ZNF875: variants seen among roughly 807,000 people sequenced by gnomAD.
ZNF875 encodes zinc finger protein 875, also known as HKR1, GLI-Kruppel zinc finger family member.
ZNF875 carries 14 observed loss-of-function variants against 11.2 expected under a neutral mutation model. The observed-to-expected ratio is 1.26, with a 90% CI of 0.83 to 1.96. ZNF875 has a LOEUF of 1.96. Ranked by LOEUF, ZNF875 falls within the 30% of genes most tolerant of loss-of-function variation. The probability of loss-of-function intolerance (pLI) is 0.00; values close to 1 mark genes in which losing one functional copy is unlikely to be tolerated. For synonymous variants in ZNF875, 301 were observed against 281.1 expected, an observed-to-expected ratio of 1.07 and a Z score of -0.71; for missense variants, 752 against 760.4, an observed-to-expected ratio of 0.99 and a Z score of 0.13.
upstream of ZNF875, among the ~76,000 whole-genome samples, chr19:37,317,477 G>C (rs1354020456): frequency 6.6e-6 from 1 of 152,196 alleles, no homozygotes; most frequent in Non-Finnish European, 1.5e-5. Context: ...CCTGGCACTA[G>C]CCTGTTTTTT....
intron 2 of ZNF875, chr19:37,323,392 G>T (rs904181510): frequency 1.3e-5 from 2 of 152,132 alleles, no homozygotes; most frequent in Non-Finnish European, 2.9e-5. Context: ...CTGACCTCAG[G>T]TGATCCGCCC....
Position 37,336,214 on chromosome 19 carries a change from C to T in ZNF875, c.33+957C>T, listed in dbSNP as rs140596092. Among the ~76,000 whole-genome samples, 339 of 150,804 alleles carry T rather than the reference C, an allele frequency of 2.2e-3. 1 individual carries two copies. Among genetic ancestry groups the T allele is most frequent in the African/African-American group, 8.0e-3 (330 of 41,056 alleles). On this transcript the variant is annotated intron_variant, in intron 2 of 4. Coordinates refer to ENST00000392153, the MANE Select transcript of ZNF875 (RefSeq NM_001353803.2). The stretch of plus-strand genomic sequence containing the variant: ...GGGGGGAAGGCATTCCAGTGGGAGG[C>T]GGCAAGGAAGCATAGATAGTTTCAG...
upstream of ZNF875, chr19:37,314,916 C>G (rs2030120524): frequency 6.6e-6 from 1 of 151,838 alleles, no homozygotes; most frequent in Non-Finnish European, 1.5e-5. Context: ...ATCACAGAAG[C>G]CACCCATTGA....
intron 4 of ZNF875, among the ~76,000 whole-genome samples, chr19:37,354,998 A>T (rs778724586): frequency 5.3e-5 from 8 of 152,206 alleles, no homozygotes; most frequent in Non-Finnish European, 1.2e-4. Flanking sequence ...AGATTAAGAC[A>T]TATGGCATAT....
chr19:37,347,316 G>A lies in ZNF875; in HGVS notation c.160G>A (p.Glu54Lys). ...GACTTATAACCATCTGGTCTCACTG[G>A]GTAAGAATGGCCTCCCTTGGCACTT... is the stretch of plus-strand genomic sequence containing the variant. ...LETYNHLVSL[E>K]IPSSKPKLIA... Residue 54 changes from glutamate to lysine, a missense_variant and splice_region_variant, in exon 3 of 5, where the codon GAA (glutamate) becomes AAA (lysine). Physicochemically the swap from Glu to Lys is moderately conservative, Grantham distance 56 (BLOSUM62 1). Transcript: ENST00000392153. 1.2e-6 allele frequency: 2 copies of A among 1,611,126 alleles called. No individual in the cohort carries two copies. Among genetic ancestry groups the A allele is most frequent in the Non-Finnish European group, 1.7e-6 (2 of 1,178,154 alleles).
At chr19:37,347,514 A>C in intron 3 of ZNF875, 198 bp downstream of exon 3, 1 of 620,686 alleles carries the variant, frequency 1.6e-6, no homozygotes, top group Admixed American at 3.0e-5. Flanking sequence ...ATGACACTAC[A>C]TTTCCAGGCC....
intron 2 of ZNF875, among the ~76,000 whole-genome samples, chr19:37,342,568 A>T (rs1338049687): frequency 2.0e-5 from 3 of 151,996 alleles, no homozygotes; most frequent in Non-Finnish European, 4.4e-5. Context: ...ATGCGCCACC[A>T]CACCTGGGTA....
intron 4 of ZNF875, among the ~76,000 whole-genome samples, chr19:37,351,106 C>A (rs1018292844): frequency 6.6e-6 from 1 of 152,070 alleles, no homozygotes; most frequent in Admixed American, 6.6e-5. Context: ...TGCCCAGCCT[C>A]AAATTTTATT....
intron 2 of ZNF875, among the ~76,000 whole-genome samples, chr19:37,345,245 T>A (rs1291045615): frequency 6.6e-6 from 1 of 152,174 alleles, no homozygotes; most frequent in Non-Finnish European, 1.5e-5. Context: ...CAGAGAGAGA[T>A]GAGGTATGAG....
At chr19:37,331,212 T>TAAAAA (rs1166385551), upstream of ZNF875, among the ~76,000 whole-genome samples, 2 of 133,882 alleles carry the variant, frequency 1.5e-5, no homozygotes, top group African/African-American at 5.5e-5. Context: ...AAAAAGTGTA[T>TAAAAA]AGAGCTAATA....
chr19:37,318,401 C>G (rs1230110192), intron 1 of ZNF875, among the ~76,000 whole-genome samples: 2 of 152,118 alleles, frequency 1.3e-5, no homozygotes, highest in Non-Finnish European at 2.9e-5. Flanking sequence ...AGTGGACTGT[C>G]TCTGATAAGG....
intron 4 of ZNF875, among the ~76,000 whole-genome samples, chr19:37,328,424 A>G (rs1021738357): frequency 6.6e-6 from 1 of 152,144 alleles, no homozygotes; most frequent in Non-Finnish European, 1.5e-5. Flanking sequence ...TGATTAGGTC[A>G]TGAAGGCTCT....
At chr19:37,345,364 G>A (rs2036570326) in intron 2 of ZNF875, among the ~76,000 whole-genome samples, 1 of 152,170 alleles carries the variant, frequency 6.6e-6, no homozygotes, top group Admixed American at 6.5e-5. Context: ...GAGTCTTAAG[G>A]CCATTTCATA....
intron 1 of ZNF875, among the ~76,000 whole-genome samples, chr19:37,321,603 G>C (rs1568560767): frequency 6.6e-6 from 1 of 152,154 alleles, no homozygotes; most frequent in Non-Finnish European, 1.5e-5. Flanking sequence ...CTTTGTCTCT[G>C]TGTCTCTTTC....
At chr19:37,354,949 T>C (rs1209787056) in intron 4 of ZNF875, among the ~76,000 whole-genome samples, 1 of 152,180 alleles carries the variant, frequency 6.6e-6, no homozygotes, top group African/African-American at 2.4e-5. Context: ...TTTTTGTAAA[T>C]TACCCAGTCT....
In ZNF875 at chr19:37,362,942, A is replaced by G. The variant is rs751388747; in HGVS notation, c.1090A>G (p.Lys364Glu). Residue 364 changes from lysine (K) to glutamate (E), a missense_variant, in exon 5 of 5, where the codon AAG becomes GAG. Transcript: ENST00000392153. Reference sequence around the variant, plus strand: ...CCACCAGAGGGCGCACACTGGGGAGAAGCCTTATGTTTGCAGGGAATGTGG... The same window carrying G: ...CCACCAGAGGGCGCACACTGGGGAGGAGCCTTATGTTTGCAGGGAATGTGG... ...ITHQRAHTGE[K>E]PYVCRECGRG... is the part of the protein sequence containing the mutation. 5.0e-6 allele frequency: 8 copies of G among 1,614,128 alleles called. No individual in the cohort carries two copies. Among genetic ancestry groups the G allele is most frequent in the Non-Finnish European group, 1.7e-6 (2 of 1,180,040 alleles).
intron 4 of ZNF875, among the ~76,000 whole-genome samples, chr19:37,357,402 G>GAAAAGC (rs2039094587): frequency 6.6e-6 from 1 of 152,146 alleles, no homozygotes; most frequent in South Asian, 2.1e-4. Context: ...GAATTGCATT[G>GAAAAGC]AATCTGTAGA....
At chr19:37,356,257 C>T (rs1568640586) in intron 4 of ZNF875, among the ~76,000 whole-genome samples, 1 of 152,108 alleles carries the variant, frequency 6.6e-6, no homozygotes, top group Non-Finnish European at 1.5e-5. Context: ...CAGGTGTCTT[C>T]TGGTAGAACA....
At chr19:37,323,320 A>G (rs2031851276) in intron 2 of ZNF875, among the ~76,000 whole-genome samples, 1 of 151,828 alleles carries the variant, frequency 6.6e-6, no homozygotes, top group South Asian at 2.1e-4. Context: ...CGCCTGGCTA[A>G]TTTTTTAATA....
Sources: allele counts gnomAD v4.1 joint callset (sites outside exome capture counted in the v4.1 genomes callset), GRCh38; gene constraint gnomAD v4.1.1; transcripts MANE v1.5; gene names NCBI Gene and HGNC (gene_info 2026-07-23, HGNC 2026-07-21).